The following UNC80 variants were observed in gnomAD, a reference collection of about 807,000 sequenced individuals.
The protein encoded by UNC80 is protein unc-80 homolog.
In UNC80, 164 loss-of-function variants were observed where a neutral mutation model predicts 384.6. That is an observed-to-expected ratio of 0.43 (90% CI 0.38 to 0.49). The LOEUF is 0.49. Among genes scored for constraint, UNC80 ranks in the 20% least tolerant of loss-of-function variants. The pLI, the probability that UNC80 is intolerant of heterozygous loss-of-function variation, is 0.00. For missense variants in UNC80, 3,330 were observed against 4,143.0 expected (o/e 0.80, Z 5.39); for synonymous variants, 1,486 against 1,527.8 (o/e 0.97, Z 0.64).
chr2:209,895,680 T>C (rs1182150622), intron 27 of UNC80, among the ~76,000 whole-genome samples: 1 of 152,210 alleles, frequency 6.6e-6, no homozygotes, highest in East Asian at 1.9e-4. Flanking sequence ...TAAAAGATTT[T>C]AGATTTGAGG....
chr2:209,822,585 TG>T (rs1171221371), intron 13 of UNC80, among the ~76,000 whole-genome samples: 2 of 152,306 alleles, frequency 1.3e-5, no homozygotes, highest in East Asian at 3.9e-4. Flanking sequence ...TATGAAATAT[TG>T]ATAAGCTTTT....
At chr2:209,865,648 A>C (rs114500330) in intron 22 of UNC80, among the ~76,000 whole-genome samples, 5 of 151,836 alleles carry the variant, frequency 3.3e-5, no homozygotes, top group South Asian at 2.1e-4. Context: ...ATTTAGTTCT[A>C]TCTTGCTTTT....
intron 7 of UNC80, among the ~76,000 whole-genome samples, chr2:209,804,867 C>A (rs548278807): frequency 6.6e-6 from 1 of 151,196 alleles, no homozygotes; most frequent in Non-Finnish European, 1.5e-5. Context: ...GGCCTTTTAT[C>A]TAATGGAACG....
rs2090096775 is a variant in UNC80, at chr2:209,922,282, G to A, written c.5561G>A (p.Arg1854Gln). ...VEEVTNLASR[R>Q]LSVSPSCTSS... ...GAAGTCACCAATCTGGCATCCCGTCGACTGTCTGTGAGTCCATCCTGCACC... is the reference window on the plus strand; with the variant it reads ...GAAGTCACCAATCTGGCATCCCGTCAACTGTCTGTGAGTCCATCCTGCACC... The change falls in exon 35 of 65, where the codon CGA (arginine) becomes CAA (glutamine). Residue 1854 changes from arginine to glutamine, a missense_variant. Around this residue, in one of 8 missense-constraint regions of UNC80, gnomAD observed 1,049 missense variants for 1,488.6 expected, o/e 0.70. Transcript: ENST00000673920. 6.4e-7 allele frequency: 1 copy of A among 1,552,114 alleles called. No homozygotes were observed.
At chr2:209,955,581 A>ATAGTTTTCTATGC (rs2092366431) in intron 48 of UNC80, among the ~76,000 whole-genome samples, 1 of 150,918 alleles carries the variant, frequency 6.6e-6, no homozygotes, top group Non-Finnish European at 1.5e-5. Flanking sequence ...CTAAAGAGAA[A>ATAGTTTTCTATGC]TGAAAGACTT....
intron 26 of UNC80, among the ~76,000 whole-genome samples, 180 bp downstream of exon 26, chr2:209,888,440 G>A (rs934990759): frequency 3.9e-5 from 6 of 152,080 alleles, no homozygotes; most frequent in Non-Finnish European, 7.4e-5. Flanking sequence ...AGTCAGAGAG[G>A]CCTGGCTTCC....
At chr2:209,939,345 A>T in intron 42 of UNC80, 127 bp from the exon 43 acceptor site, 1 of 947,594 alleles carries the variant, frequency 1.1e-6, no homozygotes, top group Non-Finnish European at 1.5e-6. Context: ...CCCTCATTTC[A>T]CTTTTTCCCC....
rs1203668565 is a variant in UNC80, at chr2:209,839,867, G to A, written c.3250+437G>A. ...TCAGGGAAGGCTTCCTAGTGGTAGT[G>A]GCATTAAGATCTCCGGGATACTTGG... On this transcript the variant is annotated intron_variant, in intron 19 of 64. Transcript: ENST00000673920. The surrounding 1 kb of genome is among the most constrained non-coding windows in gnomAD (Gnocchi z 4.1). Among the ~76,000 whole-genome samples the A allele has an allele frequency of 6.6e-6, 1 of 152,164 alleles. No individual in the cohort carries two copies. Among genetic ancestry groups the A allele is most frequent in the Non-Finnish European group, 1.5e-5 (1 of 68,032 alleles).
intron 25 of UNC80, among the ~76,000 whole-genome samples, chr2:209,881,710 AATGAT>A (rs1398955847): frequency 2.0e-5 from 3 of 152,134 alleles, no homozygotes; most frequent in African/African-American, 7.2e-5. Flanking sequence ...TTGTTTAACC[AATGAT>A]ATAAATATAA....
rs755699537 is a variant in UNC80, at chr2:209,918,608, C to T, written c.5288C>T (p.Pro1763Leu). ...CCATCCGTCCCAATGTTTGACCCAC[C>T]GTGGGTTCCTCAGTGCAGCGGGAGT... Reference protein sequence around the residue: ...GMPSVPMFDPPWVPQCSGSVQ... With the variant: ...GMPSVPMFDPLWVPQCSGSVQ... Residue 1763 changes from proline (P) to leucine (L), a missense_variant, in exon 33 of 65, where the codon CCG becomes CTG. Around this residue, in one of 8 missense-constraint regions of UNC80, gnomAD observed 1,049 missense variants for 1,488.6 expected, o/e 0.70. Transcript: ENST00000673920. 12 of 1,551,934 alleles carry T rather than the reference C, an allele frequency of 7.7e-6. No homozygotes were observed. The Middle Eastern group carries it at 5.0e-4, about 64-fold the overall frequency.
At chr2:209,985,117 A>G (rs1383626778) in intron 61 of UNC80, among the ~76,000 whole-genome samples, 1 of 152,210 alleles carries the variant, frequency 6.6e-6, no homozygotes, top group African/African-American at 2.4e-5. Flanking sequence ...TCAGAGCTCA[A>G]TGTCAATCAA....
intron 13 of UNC80, 121 bp downstream of exon 13, chr2:209,820,800 G>A: frequency 8.9e-7 from 1 of 1,120,120 alleles, no homozygotes; most frequent in Non-Finnish European, 1.2e-6. Context: ...AAAAAGTGGA[G>A]AGTGGAGAAA....
intron 31 of UNC80, among the ~76,000 whole-genome samples, chr2:209,916,083 A>G (rs2089505980): frequency 6.6e-6 from 1 of 152,232 alleles, no homozygotes; most frequent in South Asian, 2.1e-4. Flanking sequence ...AGTTGGTAAT[A>G]TATGATTGGT....
At chr2:209,799,951 G>GT (rs1337277437) in intron 7 of UNC80, among the ~76,000 whole-genome samples, 1 of 152,162 alleles carries the variant, frequency 6.6e-6, no homozygotes, top group East Asian at 1.9e-4. Context: ...CTTTTTTGAT[G>GT]TGCTGCTGCA....
In UNC80 at chr2:209,880,984, G is replaced by A. The variant is rs192000747; in HGVS notation, c.4000G>A (p.Gly1334Ser). The A allele has an allele frequency of 7.4e-5, 115 of 1,551,984 alleles. No homozygotes were observed. The highest frequency in any genetic ancestry group is 2.1e-4 in the African/African-American group (15 of 73,128). Residue 1334 changes from glycine (G) to serine (S), a missense_variant, in exon 25 of 65, where the codon GGT becomes AGT. Gly to Ser is a moderately conservative substitution (Grantham distance 56). Coordinates refer to ENST00000673920, the MANE Select transcript of UNC80 (RefSeq NM_001371986.1). The stretch of plus-strand genomic sequence containing the variant: ...AGGTACTGTGAACCCCTCTAAATGC[G>A]GTTGCCCCTTTGCCTTGAAGATGGC... ...DDSTVNPSKC[G>S]CPFALKMAAC...
At chr2:209,975,048 C>T (rs567826825) in intron 56 of UNC80, among the ~76,000 whole-genome samples, 1 of 152,268 alleles carries the variant, frequency 6.6e-6, no homozygotes, top group East Asian at 1.9e-4. Flanking sequence ...CTCTGTGTTA[C>T]ATGGCATGGT....
intron 51 of UNC80, among the ~76,000 whole-genome samples, chr2:209,961,646 C>T (rs2092593948): frequency 6.6e-6 from 1 of 151,762 alleles, no homozygotes; most frequent in Admixed American, 6.6e-5. Flanking sequence ...TCTTAGTTAT[C>T]AAAGCAAAGA....
chr2:209,982,382 C>A, intron 60 of UNC80, 65 bp downstream of exon 60: 1 of 1,454,260 alleles, frequency 6.9e-7, no homozygotes, highest in South Asian at 1.4e-5. Flanking sequence ...TGAAAATACA[C>A]TCCTGTTATT....
intron 6 of UNC80, among the ~76,000 whole-genome samples, chr2:209,791,553 C>G (rs1303187067): frequency 1.3e-5 from 2 of 152,008 alleles, no homozygotes; most frequent in East Asian, 3.9e-4. Flanking sequence ...AAATTTTATC[C>G]TTTTAAGGAC....
Sources: gnomAD v4.1 joint callset for allele counts (sites outside exome capture counted in the v4.1 genomes callset) on GRCh38, gnomAD v4.1.1 for gene constraint, gnomAD v4.1.1 regional missense constraint, Gnocchi (gnomAD v3.1) non-coding constraint, MANE v1.5 for transcripts, NCBI Gene and HGNC (gene_info 2026-07-23, HGNC 2026-07-21) for gene names.